EVC: variants seen among roughly 807,000 people sequenced by gnomAD.
The protein encoded by EVC is EvC ciliary complex subunit 1.
EVC carries 116 observed loss-of-function variants against 118.9 expected under a neutral mutation model. That is an observed-to-expected ratio of 0.98 (90% CI 0.84 to 1.14). EVC has a LOEUF of 1.14. Ranked by LOEUF, EVC falls within the 50% of genes most tolerant of loss-of-function variation. EVC has a pLI of 0.00. For missense variants in EVC, 1,401 were observed against 1,246.4 expected (o/e 1.12, Z -1.87); for synonymous variants, 619 against 534.7 (o/e 1.16, Z -2.18).
rs200370960 is a variant in EVC, at chr4:5,752,897, T to C, written c.1160T>C (p.Leu387Pro). 4 of 1,614,210 alleles carry C rather than the reference T, an allele frequency of 2.5e-6. No homozygotes were observed. Among genetic ancestry groups the C allele is most frequent in the Non-Finnish European group, 3.4e-6 (4 of 1,180,030 alleles). ...GCAAAAGTGATTGAGTTTCTGAAGC[T>C]GCAAGTCCAGGAGGAGACCAGGTGC... ...HMAKVIEFLK[L>P]QVQEETRCRL... The change falls in exon 9 of 21, where the codon CTG becomes CCG. Residue 387 changes from leucine to proline, a missense_variant. Coordinates refer to ENST00000264956, the MANE Select transcript of EVC (RefSeq NM_153717.3).
intron 18 of EVC, among the ~76,000 whole-genome samples, chr4:5,808,781 C>A (rs532958133): frequency 6.6e-6 from 1 of 152,292 alleles, no homozygotes; most frequent in South Asian, 2.1e-4. Context: ...TACAGAAAAT[C>A]CCATTTGTGT....
chr4:5,814,933 G>A (rs1002102477), downstream of EVC, among the ~76,000 whole-genome samples: 8 of 152,040 alleles, frequency 5.3e-5, no homozygotes, highest in Non-Finnish European at 1.2e-4. Context: ...GTCGGTGGGG[G>A]AGCATATAAA....
the EVC span, among the ~76,000 whole-genome samples, chr4:5,822,272 G>A: frequency 7.9e-5 from 12 of 152,228 alleles, no homozygotes; most frequent in Admixed American, 6.5e-5. Context: ...TTCAGGCCAC[G>A]TGTCTTGCGG....
intron 17 of EVC, 61 bp from the exon 18 acceptor site, chr4:5,808,140 T>TTCCCC: frequency 8.3e-6 from 2 of 239,928 alleles, no homozygotes; most frequent in Non-Finnish European, 1.7e-5. Context: ...TCTCCCTCCC[T>TTCCCC]CCCTCCCTCC....
At chr4:5,824,496 C>T in the EVC span, 1 of 985,212 alleles carries the variant, frequency 1.0e-6, no homozygotes, top group Non-Finnish European at 1.2e-6. Context: ...CTCTCTCTCT[C>T]TCTCTTTGCC....
intron 19 of EVC, among the ~76,000 whole-genome samples, chr4:5,809,910 C>A (rs892496426): frequency 2.0e-5 from 3 of 152,198 alleles, no homozygotes; most frequent in African/African-American, 7.2e-5. Flanking sequence ...CCCTTGCCAG[C>A]GACAACTTCA....
chr4:5,722,728 T>C (rs1725162889), intron 2 of EVC, among the ~76,000 whole-genome samples: 1 of 152,180 alleles, frequency 6.6e-6, no homozygotes, highest in Non-Finnish European at 1.5e-5. Context: ...CCCCTTTATA[T>C]TGGTGATGGA....
chr4:5,780,568 T>C (rs114810384), intron 11 of EVC, among the ~76,000 whole-genome samples: 1,658 of 152,314 alleles, frequency 0.011, 34 homozygotes, highest in African/African-American at 0.038. Flanking sequence ...TTCTTAACAA[T>C]TATATTTATT....
intron 11 of EVC, among the ~76,000 whole-genome samples, chr4:5,782,067 TTTTGTTTTTG>T (rs1256014531): frequency 1.3e-5 from 2 of 151,982 alleles, no homozygotes; most frequent in African/African-American, 4.8e-5. Flanking sequence ...GTTCCATGTT[TTTTGTTTTTG>T]TTTGTTTTTA....
chr4:5,745,468 G>C, intron 7 of EVC, 127 bp downstream of exon 7: 1 of 971,140 alleles, frequency 1.0e-6, no homozygotes, highest in Admixed American at 2.0e-5. Context: ...TTCTGCCCTA[G>C]AGGCAGGATC....
In EVC at chr4:5,743,308, C is replaced by T. The variant is rs1728885896; in HGVS notation, c.801+1494C>T. On this transcript the variant is annotated intron_variant, in intron 6 of 20. Coordinates refer to ENST00000264956, the MANE Select transcript of EVC (RefSeq NM_153717.3). The surrounding 1 kb of genome is among the most constrained non-coding windows in gnomAD (Gnocchi z 4.7). ...TCAGAAAACAAGTCCTGCCAGTCTC[C>T]TACCTCACCTTATCCTCACCATCAT... Among the ~76,000 whole-genome samples, 1 of 152,156 alleles carries T rather than the reference C, an allele frequency of 6.6e-6. No individual in the cohort carries two copies. The highest frequency in any genetic ancestry group is 6.5e-5 in the Admixed American group (1 of 15,272).
intron 1 of EVC, among the ~76,000 whole-genome samples, chr4:5,717,844 A>T (rs897279998): frequency 6.6e-6 from 1 of 152,230 alleles, no homozygotes; most frequent in African/African-American, 2.4e-5. Context: ...ACTCTAGGAC[A>T]TGATTGTCCC....
In EVC at chr4:5,755,996, G is replaced by T. The variant is rs114585973; in HGVS notation, c.1465-268G>T. Among the ~76,000 whole-genome samples the T allele has an allele frequency of 4.0e-3, 602 of 152,302 alleles. 4 individuals are homozygous for T. The highest frequency in any genetic ancestry group is 0.014 in the African/African-American group (577 of 41,576). On this transcript the variant is annotated intron_variant, in intron 10 of 20. Transcript: ENST00000264956. The surrounding 1 kb of genome is among the most constrained non-coding windows in gnomAD (Gnocchi z 4.1). ...GTGGCTGCAGCCAGGACAGAGGAGT[G>T]ACAGAAGTGGTCCAGTGGCCCCTCC...
chr4:5,804,400 T>C (rs930127063), intron 16 of EVC, among the ~76,000 whole-genome samples: 1 of 152,218 alleles, frequency 6.6e-6, no homozygotes, highest in African/African-American at 2.4e-5. Flanking sequence ...GCCTGGCCAA[T>C]CACTTTTCCT....
At chr4:5,716,092 C>T (rs76159393) in intron 1 of EVC, among the ~76,000 whole-genome samples, 18,315 of 152,224 alleles carry the variant, frequency 0.12, 1,561 homozygotes, top group East Asian at 0.32. Context: ...ACTCACCTGG[C>T]ACAGTAAGAC....
chr4:5,811,095 C>T lies in EVC; in HGVS notation c.*58C>T. 7.1e-7 allele frequency: 1 copy of T among 1,411,488 alleles called. No individual in the cohort carries two copies. Among genetic ancestry groups the T allele is most frequent in the African/African-American group, 1.4e-5 (1 of 70,198 alleles). The allele number at this position is 1,411,488 out of a possible 1,614,324, so 87.4% of individuals were successfully genotyped here. A position where few individuals can be genotyped will look rare whatever the true frequency, so the allele number is the denominator to read the frequency against. On this transcript the variant is annotated 3_prime_UTR_variant, in exon 21 of 21. Transcript: ENST00000264956. The stretch of plus-strand genomic sequence containing the variant: ...CCCTGGGTCTGGGTGTGAATTCCAC[C>T]TTCCCTCCTGCAGTGCTGAGAGGCA...
At chr4:5,752,081 G>A (rs1234707244) in intron 8 of EVC, among the ~76,000 whole-genome samples, 1 of 152,186 alleles carries the variant, frequency 6.6e-6, no homozygotes, top group Non-Finnish European at 1.5e-5. Context: ...AGCAGGACTG[G>A]CCTGTGGCCT....
rs1242593069 is a variant in EVC, at chr4:5,755,374, G to A, written c.1465-890G>A. Among the ~76,000 whole-genome samples the A allele has an allele frequency of 6.6e-6, 1 of 152,078 alleles. No homozygotes were observed. Among genetic ancestry groups the A allele is most frequent in the Non-Finnish European group, 1.5e-5 (1 of 68,024 alleles). On this transcript the variant is annotated intron_variant, in intron 10 of 20. Coordinates refer to ENST00000264956, the MANE Select transcript of EVC (RefSeq NM_153717.3). This position sits in a 1 kb window ranked among gnomAD's most constrained non-coding sequence, Gnocchi z 4.1. ...GACGCAGGCAGGGAAGGGTGAATGAGCGCATGCGTGCCTGAATGAACCAGG... is the reference window on the plus strand; with the variant it reads ...GACGCAGGCAGGGAAGGGTGAATGAACGCATGCGTGCCTGAATGAACCAGG...
chr4:5,755,229 T>G lies in EVC; in HGVS notation c.1465-1035T>G, dbSNP rs1360098265. ...TTTGGATATTTCTGGGCCCCTGTCC[T>G]TGATGTCACAGAGCCCAGTGTGAGT... On this transcript the variant is annotated intron_variant, in intron 10 of 20. Transcript: ENST00000264956. This position sits in a 1 kb window ranked among gnomAD's most constrained non-coding sequence, Gnocchi z 4.1. 6.6e-6 allele frequency among the ~76,000 whole-genome samples: 1 copy of G among 152,152 alleles called. No homozygotes were observed. Among genetic ancestry groups the G allele is most frequent in the Non-Finnish European group, 1.5e-5 (1 of 68,022 alleles).
Sources: gnomAD v4.1 joint callset for allele counts (sites outside exome capture counted in the v4.1 genomes callset) on GRCh38, gnomAD v4.1.1 for gene constraint, Gnocchi (gnomAD v3.1) non-coding constraint, MANE v1.5 for transcripts, NCBI Gene and HGNC (gene_info 2026-07-23, HGNC 2026-07-21) for gene names.